ABTB3: variants seen among roughly 807,000 people sequenced by gnomAD.
The protein encoded by ABTB3 is ankyrin repeat- and BTB/POZ domain-containing protein 3.
the ABTB3 span, chr12:107,319,330 C>T: frequency 2.6e-6 from 4 of 1,548,434 alleles, no homozygotes; most frequent in African/African-American, 2.7e-5. Context: ...ACGCGCTGGC[C>T]AAGCTGTCGA....
the ABTB3 span, among the ~76,000 whole-genome samples, chr12:107,655,428 G>A: frequency 1.3e-5 from 2 of 152,156 alleles, no homozygotes; most frequent in African/African-American, 4.8e-5. Context: ...AGCTGCCCCT[G>A]TCCTTTCTGT....
chr12:107,444,154 G>C, the ABTB3 span, among the ~76,000 whole-genome samples: 3 of 152,368 alleles, frequency 2.0e-5, no homozygotes, highest in Admixed American at 2.0e-4. Flanking sequence ...GGAAGGTCAG[G>C]GTCCTGCAGA....
At chr12:107,432,110 A>C in the ABTB3 span, among the ~76,000 whole-genome samples, 1 of 152,178 alleles carries the variant, frequency 6.6e-6, no homozygotes, top group Non-Finnish European at 1.5e-5. Flanking sequence ...ATTTCTGTGT[A>C]TAAGGAGGTT....
At chr12:107,602,294 T>C in the ABTB3 span, among the ~76,000 whole-genome samples, 3 of 152,210 alleles carry the variant, frequency 2.0e-5, no homozygotes, top group African/African-American at 7.2e-5. Flanking sequence ...CTACTGTGAT[T>C]CTGGTGGTAT....
At chr12:107,457,878 G>T in the ABTB3 span, among the ~76,000 whole-genome samples, 1 of 152,238 alleles carries the variant, frequency 6.6e-6, no homozygotes, top group Non-Finnish European at 1.5e-5. Flanking sequence ...GCAACAGAAA[G>T]AAATGGGTTC....
the ABTB3 span, among the ~76,000 whole-genome samples, chr12:107,432,337 CTG>C: frequency 6.6e-6 from 1 of 152,200 alleles, no homozygotes; most frequent in South Asian, 2.1e-4. Flanking sequence ...TGTAAAGACA[CTG>C]TGGTACATTT....
the ABTB3 span, among the ~76,000 whole-genome samples, chr12:107,453,038 G>A: frequency 1.3e-5 from 2 of 152,256 alleles, no homozygotes; most frequent in African/African-American, 4.8e-5. Flanking sequence ...GAGGACAAAA[G>A]GTAGAGAAAG....
chr12:107,328,501 A>G, the ABTB3 span, among the ~76,000 whole-genome samples: 2 of 152,186 alleles, frequency 1.3e-5, no homozygotes, highest in Non-Finnish European at 2.9e-5. Flanking sequence ...CTCCAGGAAA[A>G]TTGTATTACG....
At chr12:107,319,399 C>A in the ABTB3 span, 1 of 1,597,838 alleles carries the variant, frequency 6.3e-7, no homozygotes. Flanking sequence ...TGAGCCTGCG[C>A]TTCGCCAAGT....
chr12:107,651,789 TAATC>T, the ABTB3 span: 2 of 1,611,442 alleles, frequency 1.2e-6, no homozygotes, highest in African/African-American at 1.3e-5. Flanking sequence ...CATGCCAAGG[TAATC>T]AATCTCATTC....
chr12:107,362,677 C>A, the ABTB3 span, among the ~76,000 whole-genome samples: 1 of 151,994 alleles, frequency 6.6e-6, no homozygotes, highest in Non-Finnish European at 1.5e-5. Context: ...CCTGTAGTCA[C>A]AGCTACTTGG....
At chr12:107,440,484 T>TTAAGGCCTCTTAATAAG in the ABTB3 span, among the ~76,000 whole-genome samples, 28 of 152,378 alleles carry the variant, frequency 1.8e-4, no homozygotes, top group South Asian at 5.6e-3. Context: ...CCTGCCTCTT[T>TTAAGGCCTCTTAATAAG]GCTAGGGCCC....
At chr12:107,567,920 A>G in the ABTB3 span, among the ~76,000 whole-genome samples, 2 of 152,264 alleles carry the variant, frequency 1.3e-5, no homozygotes, top group Admixed American at 1.3e-4. Flanking sequence ...CGGTTGGGCT[A>G]TATCATCTTG....
the ABTB3 span, among the ~76,000 whole-genome samples, chr12:107,474,068 G>A: frequency 6.6e-6 from 1 of 152,204 alleles, no homozygotes; most frequent in African/African-American, 2.4e-5. Flanking sequence ...ACAGGCGTGA[G>A]CCACTGCACC....
chr12:107,497,730 G>A, the ABTB3 span, among the ~76,000 whole-genome samples: 3 of 152,126 alleles, frequency 2.0e-5, no homozygotes, highest in African/African-American at 4.8e-5. Flanking sequence ...TCAGAAAATC[G>A]ATGTTCTTAT....
At chr12:107,355,154 G>A in the ABTB3 span, among the ~76,000 whole-genome samples, 1 of 152,228 alleles carries the variant, frequency 6.6e-6, no homozygotes. Context: ...TCTTTCGCAT[G>A]TCTCCCCAGG....
the ABTB3 span, among the ~76,000 whole-genome samples, chr12:107,451,629 T>C: frequency 2.0e-5 from 3 of 152,150 alleles, no homozygotes; most frequent in Non-Finnish European, 4.4e-5. Context: ...TACCCCTGCC[T>C]GGTTCCCCAC....
the ABTB3 span, among the ~76,000 whole-genome samples, chr12:107,502,444 C>A: frequency 6.6e-6 from 1 of 152,040 alleles, no homozygotes; most frequent in Non-Finnish European, 1.5e-5. Flanking sequence ...TATAGCACCA[C>A]CAGCGTGAAA....
the ABTB3 span, among the ~76,000 whole-genome samples, chr12:107,552,720 C>T: frequency 1.3e-5 from 2 of 152,282 alleles, no homozygotes; most frequent in African/African-American, 4.8e-5. Flanking sequence ...AGAGGCTTTG[C>T]AAGGCAGTGC....
Sources: allele counts gnomAD v4.1 joint callset (sites outside exome capture counted in the v4.1 genomes callset), GRCh38; gene constraint gnomAD v4.1.1; transcripts MANE v1.5; gene names NCBI Gene and HGNC (gene_info 2026-07-23, HGNC 2026-07-21).